Variants in SETDB2 observed in about 807,000 individuals in gnomAD.
SETDB2 encodes the protein histone-lysine N-methyltransferase SETDB2.
SETDB2 carries 56 observed loss-of-function variants against 82.5 expected under a neutral mutation model. The ratio of observed to expected loss-of-function variants is 0.68; its 90% CI spans 0.55 to 0.85. SETDB2 has a LOEUF of 0.85. Ranked by LOEUF, SETDB2 falls within the 40% of genes least tolerant of loss-of-function variation. The pLI, the probability that SETDB2 is intolerant of heterozygous loss-of-function variation, is 0.00. For missense variants in SETDB2, 677 were observed against 816.4 expected, an observed-to-expected ratio of 0.83 and a Z score of 2.08; for synonymous variants, 272 against 284.9, an observed-to-expected ratio of 0.95 and a Z score of 0.46.
chr13:49,449,212 A>T (rs561767007), intron 1 of SETDB2, among the ~76,000 whole-genome samples: 7 of 152,098 alleles, frequency 4.6e-5, no homozygotes, highest in Non-Finnish European at 7.4e-5. Context: ...TATTCTTGTC[A>T]TTATTTAACA....
At chr13:49,487,692 GA>G in intron 11 of SETDB2, among the ~76,000 whole-genome samples, 1 of 152,284 alleles carries the variant, frequency 6.6e-6, no homozygotes, top group South Asian at 2.1e-4. Context: ...TATTGGATAA[GA>G]AAAACGATTA....
chr13:49,470,379 T>C (rs1023808231), intron 5 of SETDB2, among the ~76,000 whole-genome samples: 4 of 152,260 alleles, frequency 2.6e-5, no homozygotes, highest in African/African-American at 4.8e-5. Flanking sequence ...CATTTCATTC[T>C]TGACTGGAAT....
chr13:49,461,087 T>C lies in SETDB2; in HGVS notation c.143-10T>C. ...AGGTAATGGTGATGCTGTTTTTCTG[T>C]CTTTAACAGAATACATCCAAGCAAT... On this transcript the variant is annotated splice_polypyrimidine_tract_variant and intron_variant, in intron 3 of 13. Transcript: ENST00000611815. 1.9e-6 allele frequency: 3 copies of C among 1,606,572 alleles called. No homozygotes were observed. Among genetic ancestry groups the C allele is most frequent in the Non-Finnish European group, 2.6e-6 (3 of 1,174,952 alleles).
intron 2 of SETDB2, among the ~76,000 whole-genome samples, chr13:49,457,181 A>C (rs1221174369): frequency 3.4e-5 from 5 of 148,518 alleles, no homozygotes; most frequent in Admixed American, 6.7e-5. Flanking sequence ...TTCCTACCAG[A>C]ATAATTTAGT....
chr13:49,466,864 CA>C (rs1178149830), intron 4 of SETDB2, among the ~76,000 whole-genome samples: 1 of 139,086 alleles, frequency 7.2e-6, no homozygotes, highest in African/African-American at 2.7e-5. Flanking sequence ...TTCTGTTGCT[CA>C]GGGGGGCCTT....
chr13:49,493,861 C>G lies in SETDB2; in HGVS notation c.*2012C>G, dbSNP rs1230640661. The stretch of plus-strand genomic sequence containing the variant: ...GTTCCTTCTCTTTTGCATATATAAT[C>G]CATTTTTATCTCTCTTGAAGCTTAT... On this transcript the variant is annotated 3_prime_UTR_variant, in exon 14 of 14. Transcript: ENST00000611815. The G allele has an allele frequency of 6.6e-6, 1 of 152,148 alleles. No individual in the cohort carries two copies. The highest frequency in any genetic ancestry group is 2.4e-5 in the African/African-American group (1 of 41,426). 9.4% of individuals were successfully genotyped at this position (152,148 alleles called of 1,614,324 possible). A position where few individuals can be genotyped will look rare whatever the true frequency, so the allele number is the denominator to read the frequency against.
At chr13:49,475,006 G>A (rs148607990) in intron 5 of SETDB2, among the ~76,000 whole-genome samples, 167 of 152,236 alleles carry the variant, frequency 1.1e-3, no homozygotes, top group African/African-American at 3.9e-3. Context: ...GTATTAGTCC[G>A]TTTTCACGCT....
At position 49,482,754 on chromosome 13, in the gene SETDB2, G is replaced by C; in HGVS notation, c.1174G>C (p.Ala392Pro). 1.9e-6 allele frequency: 3 copies of C among 1,609,874 alleles called. No individual in the cohort carries two copies. The highest frequency in any genetic ancestry group is 2.5e-6 in the Non-Finnish European group (3 of 1,176,984). ...CIYSGRLLSR[A>P]NTEKSYGIDE... ...CCTTTTAGGAAGATTACTAAGCAGA[G>C]CTAACACTGAAAAATCTTATGGTAT... Residue 392 changes from alanine to proline, a missense_variant, in exon 9 of 14, where the codon GCT becomes CCT. Physicochemically the swap from Ala to Pro is conservative, Grantham distance 27. Around this residue, in one of 3 missense-constraint regions of SETDB2, gnomAD observed 420 missense variants for 554.6 expected, o/e 0.76. Transcript: ENST00000611815.
chr13:49,468,842 C>T (rs1465358128), intron 5 of SETDB2, among the ~76,000 whole-genome samples: 2 of 151,830 alleles, frequency 1.3e-5, no homozygotes, highest in East Asian at 3.9e-4. Context: ...ACTTTAGCTC[C>T]TTAATTGGCC....
intron 4 of SETDB2, among the ~76,000 whole-genome samples, chr13:49,465,640 G>A (rs976234896): frequency 6.6e-6 from 1 of 152,094 alleles, no homozygotes; most frequent in East Asian, 1.9e-4. Flanking sequence ...GGGTTCAAGC[G>A]ATTCTCCTGC....
intron 6 of SETDB2, among the ~76,000 whole-genome samples, chr13:49,479,929 T>C (rs190609398): frequency 4.2e-4 from 64 of 152,324 alleles, no homozygotes; most frequent in Non-Finnish European, 8.7e-4. Context: ...AACAAGCTTC[T>C]GTGCTGAACA....
intron 11 of SETDB2, 64 bp downstream of exon 11, chr13:49,485,787 AC>A: frequency 2.4e-6 from 3 of 1,236,150 alleles, no homozygotes; most frequent in Non-Finnish European, 3.6e-6. Context: ...CTTGCTCAAT[AC>A]CTGTAGCTCA....
intron 11 of SETDB2, among the ~76,000 whole-genome samples, chr13:49,486,303 C>CA (rs113127035): frequency 0.093 from 13,777 of 147,540 alleles, 1,529 homozygotes; most frequent in African/African-American, 0.26. Context: ...GACCCTGTCT[C>CA]AAAAAAAAAA....
At chr13:49,453,192 CTATT>C (rs1391871165) in intron 2 of SETDB2, among the ~76,000 whole-genome samples, 1 of 151,904 alleles carries the variant, frequency 6.6e-6, no homozygotes, top group Non-Finnish European at 1.5e-5. Flanking sequence ...GGACTCATGG[CTATT>C]TATTTTATAC....
At chr13:49,483,607 A>G (rs547196540) in intron 10 of SETDB2, 44 bp downstream of exon 10, 2 of 497,308 alleles carry the variant, frequency 4.0e-6, no homozygotes, top group Admixed American at 9.4e-5. Flanking sequence ...TTTCTTTTTT[A>G]AATTTTTTTT....
chr13:49,461,903 A>G (rs1041681056), intron 4 of SETDB2, among the ~76,000 whole-genome samples: 28 of 152,228 alleles, frequency 1.8e-4, no homozygotes, highest in African/African-American at 6.8e-4. Context: ...ATGATTTGCT[A>G]TAATGGCTTA....
rs938429225 is a variant in SETDB2 at position 49,460,138 on chromosome 13, A to G, written c.48A>G (p.Glu16=). The change falls in exon 3 of 14, where the codon GAA becomes GAG. Residue 16 remains glutamate, a synonymous_variant. Transcript: ENST00000611815. Reference sequence around the variant, plus strand: ...CAAAAACTTTCTGGATGGAGCTAGAAGATGATGGAAAAGTGGACTTCATTT... The same window carrying G: ...CAAAAACTTTCTGGATGGAGCTAGAGGATGATGGAAAAGTGGACTTCATTT... The part of the protein sequence containing the change: ...GDAKTFWMEL[E]DDGKVDFIFE... The G allele has an allele frequency of 6.2e-7, 1 of 1,613,214 alleles. No homozygotes were observed. The highest frequency in any genetic ancestry group is 1.3e-5 in the African/African-American group (1 of 74,898).
Position 49,482,831 on chromosome 13 carries a change from G to T in SETDB2, c.1251G>T (p.Lys417Asn). 1.9e-6 allele frequency: 3 copies of T among 1,612,430 alleles called. No homozygotes were observed. The highest frequency in any genetic ancestry group is 2.5e-6 in the Non-Finnish European group (3 of 1,178,754). ...CTATGAAAAATATATTTTCAAAAAA[G>T]AGGAAATTAGAAGTTGCATGTTCAG... ...ENTMKNIFSK[K>N]RKLEVACSDC... is the part of the protein sequence containing the mutation. The change falls in exon 9 of 14, where the codon AAG (lysine) becomes AAT (asparagine). Residue 417 changes from lysine (K) to asparagine (N), a missense_variant. Lys to Asn is a moderately conservative substitution (Grantham distance 94). Transcript: ENST00000611815.
chr13:49,474,998 A>G (rs1426988940), intron 5 of SETDB2, among the ~76,000 whole-genome samples: 1 of 152,212 alleles, frequency 6.6e-6, no homozygotes, highest in Non-Finnish European at 1.5e-5. Context: ...TATATAGTGT[A>G]TTAGTCCGTT....
Sources: allele counts gnomAD v4.1 joint callset (sites outside exome capture counted in the v4.1 genomes callset), GRCh38; gene constraint gnomAD v4.1.1; regional missense constraint gnomAD v4.1.1; transcripts MANE v1.5; gene names NCBI Gene and HGNC (gene_info 2026-07-23, HGNC 2026-07-21).